ACSBG2: variants seen among roughly 807,000 people sequenced by gnomAD.
ACSBG2 encodes long-chain-fatty-acid--CoA ligase ACSBG2.
In ACSBG2, 62 loss-of-function variants were observed where a neutral mutation model predicts 74.7. The ratio of observed to expected loss-of-function variants is 0.83; its 90% CI spans 0.68 to 1.03. The LOEUF is 1.03. Among genes scored for constraint, ACSBG2 ranks in the 50% least tolerant of loss-of-function variants. The pLI, the probability that ACSBG2 is intolerant of heterozygous loss-of-function variation, is 0.00. For synonymous variants in ACSBG2, 309 were observed against 294.1 expected (o/e 1.05, Z -0.52); for missense variants, 730 against 817.6 (o/e 0.89, Z 1.31).
At chr19:6,181,682 G>A (rs2090258014) in intron 8 of ACSBG2, among the ~76,000 whole-genome samples, 3 of 152,074 alleles carry the variant, frequency 2.0e-5, no homozygotes, top group Admixed American at 6.5e-5. Flanking sequence ...TTTAGTTTGA[G>A]CTCTTACATT....
chr19:6,151,589 G>A, intron 3 of ACSBG2, 118 bp from the exon 4 acceptor site: 2 of 938,916 alleles, frequency 2.1e-6, no homozygotes, highest in Non-Finnish European at 3.3e-6. Flanking sequence ...AGGATTACAG[G>A]TGTGAGCCAC....
chr19:6,183,431 G>A (rs773360619), intron 10 of ACSBG2, among the ~76,000 whole-genome samples, 159 bp downstream of exon 10: 6 of 152,270 alleles, frequency 3.9e-5, no homozygotes, highest in East Asian at 1.9e-4. Flanking sequence ...CCGCATGACC[G>A]TGGGAAACCC....
intron 7 of ACSBG2, among the ~76,000 whole-genome samples, chr19:6,166,409 G>A (rs978401016): frequency 6.0e-5 from 9 of 150,510 alleles, no homozygotes; most frequent in Admixed American, 4.6e-4. Flanking sequence ...CTCTGCCTCC[G>A]TTCAAGTGAT....
intron 2 of ACSBG2, among the ~76,000 whole-genome samples, chr19:6,145,889 G>A (rs1047584156): frequency 2.6e-5 from 4 of 152,104 alleles, no homozygotes; most frequent in Non-Finnish European, 5.9e-5. Flanking sequence ...TCTGGCATTG[G>A]GGGAGAGGGG....
At position 6,183,222 on chromosome 19, in the gene ACSBG2, G is replaced by A. The variant is rs17851957; in HGVS notation, c.1272G>A (p.Glu424=). ...IPIGELYGLS[E]SSGPHTISNQ... ...TAGGCGAGTTGTATGGGTTGAGTGA[G>A]AGCTCGGGACCCCACACGATATCCA... The change falls in exon 10 of 15, where the codon GAG becomes GAA. Residue 424 remains glutamate, a synonymous_variant. Transcript: ENST00000588485. 73,709 of 1,614,002 alleles carry A rather than the reference G, an allele frequency of 0.046. 2,879 individuals carry two copies. The highest frequency in any genetic ancestry group is 0.2 in the African/African-American group (15,027 of 74,926).
In ACSBG2 at chr19:6,150,180, G is replaced by A. The variant is rs530424623; in HGVS notation, c.298-1527G>A. Among the ~76,000 whole-genome samples, 21 of 151,906 alleles carry A rather than the reference G, an allele frequency of 1.4e-4. 1 individual carries two copies. Among genetic ancestry groups the A allele is most frequent in the African/African-American group, 4.3e-4 (18 of 41,492 alleles). On this transcript the variant is annotated intron_variant, in intron 3 of 14. Transcript: ENST00000588485. ...TTTAAAAAATAGCAAAACACAACAC[G>A]TGTTGGGGAGGATATGGAGAAGCTG... is the stretch of plus-strand genomic sequence containing the variant.
intron 5 of ACSBG2, 104 bp from the exon 6 acceptor site, chr19:6,161,111 A>AAAG: frequency 1.1e-6 from 1 of 894,388 alleles, no homozygotes; most frequent in Non-Finnish European, 1.7e-6. Context: ...AAAAAAAAAA[A>AAAG]AGAGGCTAGA....
At chr19:6,190,280 T>C (rs1199254222) in intron 13 of ACSBG2, 1 of 270,402 alleles carries the variant, frequency 3.7e-6, no homozygotes, top group Admixed American at 4.3e-5. Flanking sequence ...ACCTGTAAAA[T>C]GGGGATAGGG....
chr19:6,184,379 A>G (rs187426161), intron 10 of ACSBG2, among the ~76,000 whole-genome samples: 6 of 152,022 alleles, frequency 3.9e-5, no homozygotes, highest in African/African-American at 1.4e-4. Context: ...TGGCTTCTGG[A>G]TTTTTCTATA....
chr19:6,150,322 T>C (rs2089191171), intron 3 of ACSBG2, among the ~76,000 whole-genome samples: 1 of 139,446 alleles, frequency 7.2e-6, no homozygotes, highest in African/African-American at 2.8e-5. Context: ...TTCAGCAGTC[T>C]CACTCCTGGA....
rs999797836 is a variant in ACSBG2 at position 6,184,852 on chromosome 19, A to C, written c.1323-584A>C. 8.5e-4 allele frequency among the ~76,000 whole-genome samples: 113 copies of C among 132,400 alleles called. 3 individuals are homozygous for C. Among genetic ancestry groups the C allele is most frequent in the African/African-American group, 3.8e-3 (105 of 27,704 alleles). 86.9% of individuals were successfully genotyped at this position (132,400 alleles called of 152,430 possible). Reference sequence around the variant, plus strand: ...GAGATGAAAAAAAAAAAAAAAAAAAAAAAAAAAAAAAAAAAAAAAACGAAA... The same window carrying C: ...GAGATGAAAAAAAAAAAAAAAAAAACAAAAAAAAAAAAAAAAAAAACGAAA... On this transcript the variant is annotated intron_variant, in intron 10 of 14. Coordinates refer to ENST00000588485, the MANE Select transcript of ACSBG2 (RefSeq NM_030924.5).
chr19:6,184,860 A>AAAAAAAAAAAAAAAAAAAAAAAACAAAC (rs2090359282), intron 10 of ACSBG2, among the ~76,000 whole-genome samples: 1 of 142,270 alleles, frequency 7.0e-6, no homozygotes, highest in African/African-American at 2.7e-5. Context: ...AAAAAAAAAA[A>AAAAAAAAAAAAAAAAAAAAAAAACAAAC]AAAAAAAAAA....
chr19:6,176,614 C>T (rs1429579272), intron 7 of ACSBG2, among the ~76,000 whole-genome samples: 1 of 151,682 alleles, frequency 6.6e-6, no homozygotes, highest in Non-Finnish European at 1.5e-5. Context: ...AAGGTAAGAT[C>T]GAATAAGGAC....
intron 8 of ACSBG2, 35 bp from the exon 9 acceptor site, chr19:6,182,716 C>A: frequency 6.2e-7 from 1 of 1,601,918 alleles, no homozygotes; most frequent in South Asian, 1.1e-5. Flanking sequence ...GCACGGAAGG[C>A]CCTGCTGTGG....
chr19:6,166,280 TTGTGTGTGTGTGTGTG>T (rs35422900), intron 7 of ACSBG2, among the ~76,000 whole-genome samples: 13 of 119,144 alleles, frequency 1.1e-4, no homozygotes, highest in East Asian at 4.9e-4. Context: ...GTCAGGAAGG[TTGTGTGTGTGTGTGTG>T]TGTGTGTGTG....
At chr19:6,182,626 G>C in intron 8 of ACSBG2, 125 bp from the exon 9 acceptor site, 7 of 900,866 alleles carry the variant, frequency 7.8e-6, no homozygotes, top group Non-Finnish European at 1.2e-5. Flanking sequence ...TTTTGGTTGG[G>C]AGTCCTGCGT....
rs186207549 is a variant in ACSBG2 at position 6,164,206 on chromosome 19, G to A, written c.589-1660G>A. Reference sequence around the variant, plus strand: ...CCAGTCATTTGTGGCTGTGGAAGCCGGGGGTCTTCTACCGGCCTTTGAAGG... The same window carrying A: ...CCAGTCATTTGTGGCTGTGGAAGCCAGGGGTCTTCTACCGGCCTTTGAAGG... On this transcript the variant is annotated intron_variant, in intron 6 of 14. Transcript: ENST00000588485. 5.6e-3 allele frequency among the ~76,000 whole-genome samples: 859 copies of A among 152,236 alleles called. 10 individuals carry two copies. Among genetic ancestry groups the A allele is most frequent in the African/African-American group, 0.02 (832 of 41,544 alleles).
chr19:6,158,012 A>C (rs2089479382), intron 5 of ACSBG2, among the ~76,000 whole-genome samples: 1 of 144,286 alleles, frequency 6.9e-6, no homozygotes, highest in African/African-American at 2.6e-5. Context: ...GCTTCATTAC[A>C]TTTTTAGTTT....
At chr19:6,148,550 T>A (rs1327238549) in intron 3 of ACSBG2, among the ~76,000 whole-genome samples, 1 of 150,622 alleles carries the variant, frequency 6.6e-6, no homozygotes, top group East Asian at 2.0e-4. Flanking sequence ...GAGGCTGAGG[T>A]GGGAGGATCA....
Sources: gnomAD v4.1 joint callset for allele counts (sites outside exome capture counted in the v4.1 genomes callset) on GRCh38, gnomAD v4.1.1 for gene constraint, MANE v1.5 for transcripts, NCBI Gene and HGNC (gene_info 2026-07-23, HGNC 2026-07-21) for gene names.